The following XXYLT1 variants were observed in gnomAD, a reference collection of about 807,000 sequenced individuals.
The protein encoded by XXYLT1 is UDP-xylose:alpha-xyloside alpha-1,3-xylosyltransferase.
Under a neutral mutation model 28.9 loss-of-function variants are expected in XXYLT1, and 20 were observed. The observed-to-expected ratio is 0.69, with a 90% CI of 0.49 to 1.00. The LOEUF is 1.00. XXYLT1 is among the 50% of genes least tolerant of loss of function. XXYLT1 has a pLI of 0.00. For missense variants in XXYLT1, 542 were observed against 560.1 expected (o/e 0.97, Z 0.33); for synonymous variants, 257 against 253.8 (o/e 1.01, Z -0.12).
intron 2 of XXYLT1, chr3:195,175,798 C>T (rs1721637028): frequency 1.0e-5 from 15 of 1,472,940 alleles, no homozygotes; most frequent in South Asian, 5.3e-5. Context: ...CAGATGGCGT[C>T]GTTACAGGAT....
At chr3:195,254,123 G>A (rs1452382151) in intron 1 of XXYLT1, among the ~76,000 whole-genome samples, 1 of 152,186 alleles carries the variant, frequency 6.6e-6, no homozygotes, top group African/African-American at 2.4e-5. Flanking sequence ...AGGCCCCAGG[G>A]GGCCCTCAGC....
chr3:195,083,132 A>G (rs957134549), intron 3 of XXYLT1, among the ~76,000 whole-genome samples: 8 of 152,324 alleles, frequency 5.3e-5, no homozygotes, highest in Non-Finnish European at 1.0e-4. Flanking sequence ...GAGTCACTAT[A>G]TTCCTTAAAA....
chr3:195,091,941 G>A (rs1716143646), intron 3 of XXYLT1, among the ~76,000 whole-genome samples: 1 of 63,380 alleles, frequency 1.6e-5, no homozygotes, highest in African/African-American at 9.5e-5. Context: ...GCTTCAAAGA[G>A]AATAAAATAC....
chr3:195,128,486 A>C (rs1264989752), intron 3 of XXYLT1, among the ~76,000 whole-genome samples: 1 of 152,156 alleles, frequency 6.6e-6, no homozygotes, highest in Non-Finnish European at 1.5e-5. Context: ...CACCAGGATA[A>C]AGCACAAATG....
intron 1 of XXYLT1, among the ~76,000 whole-genome samples, chr3:195,249,304 T>C (rs1385472518): frequency 6.6e-6 from 1 of 152,170 alleles, no homozygotes; most frequent in East Asian, 1.9e-4. Flanking sequence ...CCAGGCGATG[T>C]TCAGGATCTG....
chr3:195,258,501 G>C (rs2108850590), intron 1 of XXYLT1, among the ~76,000 whole-genome samples: 1 of 152,302 alleles, frequency 6.6e-6, no homozygotes, highest in South Asian at 2.1e-4. Context: ...AAACAAATTT[G>C]AATTGGAACC....
intron 3 of XXYLT1, among the ~76,000 whole-genome samples, chr3:195,074,932 C>G (rs1255482040): frequency 6.6e-6 from 1 of 152,186 alleles, no homozygotes; most frequent in African/African-American, 2.4e-5. Flanking sequence ...GCTGAGGTCT[C>G]CAGCTCTACT....
In XXYLT1 at chr3:195,271,028, C is replaced by T. The variant is rs1464918952; in HGVS notation, c.31G>A (p.Ala11Thr). 2.7e-6 allele frequency: 4 copies of T among 1,460,382 alleles called. No individual in the cohort carries two copies. The highest frequency in any genetic ancestry group is 1.5e-5 in the African/African-American group (1 of 67,810). 90.5% of individuals were successfully genotyped at this position (1,460,382 alleles called of 1,614,324 possible). The change falls in exon 1 of 4, where the codon GCT becomes ACT. Residue 11 changes from alanine (A) to threonine (T), a missense_variant. Ala to Thr is a moderately conservative substitution (Grantham distance 58, BLOSUM62 0). Coordinates refer to ENST00000310380, the MANE Select transcript of XXYLT1 (RefSeq NM_152531.5). ...GCGCCCAGGCGCGCCATGGCCCGAG[C>T]GCATGGGAGCCCGCCTCGGAGGAGG... MGLLRGGLPC[A>T]RAMARLGAVR... is the part of the protein sequence containing the mutation.
chr3:195,201,349 C>A (rs1722841340), intron 2 of XXYLT1, among the ~76,000 whole-genome samples: 1 of 152,218 alleles, frequency 6.6e-6, no homozygotes, highest in African/African-American at 2.4e-5. Flanking sequence ...CCAGCACACA[C>A]TTTTAACCCT....
intron 1 of XXYLT1, among the ~76,000 whole-genome samples, chr3:195,237,455 T>C (rs1054747214): frequency 1.3e-5 from 2 of 152,164 alleles, no homozygotes; most frequent in African/African-American, 2.4e-5. Flanking sequence ...TGATCAAGAC[T>C]GTCTTTCCTA....
At chr3:195,181,212 A>G (rs1721933014) in intron 2 of XXYLT1, among the ~76,000 whole-genome samples, 1 of 152,184 alleles carries the variant, frequency 6.6e-6, no homozygotes, top group South Asian at 2.1e-4. Flanking sequence ...CTCTCTGACA[A>G]TGACGGCTCC....
At chr3:195,092,431 G>A (rs534320424) in intron 3 of XXYLT1, among the ~76,000 whole-genome samples, 4 of 147,662 alleles carry the variant, frequency 2.7e-5, no homozygotes, top group African/African-American at 5.0e-5. Flanking sequence ...AATGGGGAAC[G>A]GATTCCCTAT....
chr3:195,124,216 G>A lies in XXYLT1; in HGVS notation c.785+32233C>T, dbSNP rs189794931. Among the ~76,000 whole-genome samples the A allele has an allele frequency of 2.6e-5, 4 of 152,348 alleles. No individual in the cohort carries two copies. Among genetic ancestry groups the A allele is most frequent in the Admixed American group, 6.5e-5 (1 of 15,302 alleles). ...TTACAGACAAAGAGACAGAGGGCCA[G>A]GGTGGTTACGCAGTAAGCCAGATCT... On this transcript the variant is annotated intron_variant, in intron 3 of 3. Transcript: ENST00000310380. This position sits in a 1 kb window ranked among gnomAD's most constrained non-coding sequence, Gnocchi z 4.1.
intron 3 of XXYLT1, among the ~76,000 whole-genome samples, chr3:195,109,394 A>G (rs55878810): frequency 0.69 from 104,475 of 151,038 alleles, 36,377 homozygotes; most frequent in Middle Eastern, 0.72. Flanking sequence ...ATAAGTGTGC[A>G]TGTATGTGTG....
chr3:195,245,279 G>A (rs1226635946), intron 1 of XXYLT1, among the ~76,000 whole-genome samples: 3 of 148,730 alleles, frequency 2.0e-5, no homozygotes, highest in African/African-American at 7.4e-5. Flanking sequence ...TCCTGCCTCA[G>A]CCTCCTGAGT....
chr3:195,086,307 T>C (rs1157520754), intron 3 of XXYLT1, among the ~76,000 whole-genome samples: 1 of 152,220 alleles, frequency 6.6e-6, no homozygotes, highest in Non-Finnish European at 1.5e-5. Context: ...GGAGCATCAT[T>C]ACGACGGCTT....
At position 195,077,925 on chromosome 3, in the gene XXYLT1, C is replaced by G. The variant is rs1167947374; in HGVS notation, c.786-7814G>C. On this transcript the variant is annotated intron_variant, in intron 3 of 3. Coordinates refer to ENST00000310380, the MANE Select transcript of XXYLT1 (RefSeq NM_152531.5). This position sits in a 1 kb window ranked among gnomAD's most constrained non-coding sequence, Gnocchi z 4.8. ...TCACGTGACCTTCCCCCAGCATCTG[C>G]AGCCCTGGAGCTGTAAAAACAGATG... is the stretch of plus-strand genomic sequence containing the variant. Among the ~76,000 whole-genome samples the G allele has an allele frequency of 1.3e-5, 2 of 152,212 alleles. No individual in the cohort carries two copies. The highest frequency in any genetic ancestry group is 4.8e-5 in the African/African-American group (2 of 41,460).
intron 2 of XXYLT1, among the ~76,000 whole-genome samples, chr3:195,157,008 GC>G (rs1383184235): frequency 6.6e-6 from 1 of 152,156 alleles, no homozygotes; most frequent in African/African-American, 2.4e-5. Context: ...ATTTTGGGAG[GC>G]CGAGGCGGGT....
chr3:195,162,750 T>C (rs1428337146), intron 2 of XXYLT1, among the ~76,000 whole-genome samples: 2 of 152,254 alleles, frequency 1.3e-5, no homozygotes, highest in Non-Finnish European at 2.9e-5. Flanking sequence ...GAATTTATTT[T>C]GAACTTGGCT....
Sources: gnomAD v4.1 joint callset for allele counts (sites outside exome capture counted in the v4.1 genomes callset) on GRCh38, gnomAD v4.1.1 for gene constraint, Gnocchi (gnomAD v3.1) non-coding constraint, MANE v1.5 for transcripts, NCBI Gene and HGNC (gene_info 2026-07-23, HGNC 2026-07-21) for gene names.